RBFOX1: variants seen among roughly 807,000 people sequenced by gnomAD.
RBFOX1 encodes the protein RNA binding fox-1 homolog 1.
RBFOX1 carries 8 observed loss-of-function variants against 57.7 expected under a neutral mutation model. The ratio of observed to expected loss-of-function variants is 0.14; its 90% CI spans 0.08 to 0.25. RBFOX1 has a LOEUF of 0.25. RBFOX1 is among the 10% of genes least tolerant of loss of function. The pLI is 1.00. For missense variants in RBFOX1, 611 were observed against 548.5 expected (o/e 1.11, Z -1.14); for synonymous variants, 326 against 222.4 (o/e 1.47, Z -4.15).
intron 9 of RBFOX1, among the ~76,000 whole-genome samples, chr16:7,604,059 A>G (rs755282736): frequency 1.3e-5 from 2 of 152,176 alleles, no homozygotes; most frequent in South Asian, 4.1e-4. Flanking sequence ...GTTTTAACCA[A>G]CAGGATTTTC....
chr16:5,411,343 A>T (rs1327610082), intron 1 of RBFOX1, among the ~76,000 whole-genome samples: 2 of 152,144 alleles, frequency 1.3e-5, no homozygotes, highest in Non-Finnish European at 2.9e-5. Context: ...GCAGAGTCAG[A>T]GTCTGAATGG....
At chr16:7,581,168 G>T (rs1025316914) in intron 6 of RBFOX1, among the ~76,000 whole-genome samples, 44 of 152,168 alleles carry the variant, frequency 2.9e-4, no homozygotes, top group African/African-American at 1.0e-3. Flanking sequence ...ACCCAGCTTT[G>T]AATGCTGACA....
intron 9 of RBFOX1, 126 bp downstream of exon 9, chr16:7,597,557 C>A: frequency 1.3e-6 from 1 of 760,738 alleles, no homozygotes; most frequent in Non-Finnish European, 2.1e-6. Flanking sequence ...TTACTACTGA[C>A]CTGCTACAGT....
intron 3 of RBFOX1, among the ~76,000 whole-genome samples, chr16:6,733,992 G>T (rs2069384769): frequency 6.6e-6 from 1 of 152,150 alleles, no homozygotes; most frequent in South Asian, 2.1e-4. Flanking sequence ...ATAGGACACA[G>T]TGTTCAGTCC....
At chr16:6,981,701 T>C (rs2088922230) in intron 3 of RBFOX1, among the ~76,000 whole-genome samples, 2 of 152,128 alleles carry the variant, frequency 1.3e-5, no homozygotes, top group South Asian at 4.1e-4. Flanking sequence ...TCTTGTCACA[T>C]GAGAGTCAGT....
chr16:6,060,297 A>G (rs900973552), intron 1 of RBFOX1, among the ~76,000 whole-genome samples: 3 of 152,210 alleles, frequency 2.0e-5, no homozygotes, highest in East Asian at 1.9e-4. Flanking sequence ...CCATTTGTTC[A>G]TCTGTAAAAT....
At chr16:7,055,289 T>C (rs1354264710) in intron 4 of RBFOX1, among the ~76,000 whole-genome samples, 1 of 152,188 alleles carries the variant, frequency 6.6e-6, no homozygotes, top group Non-Finnish European at 1.5e-5. Context: ...ATCATATCAG[T>C]ATTATCAGTT....
intron 1 of RBFOX1, among the ~76,000 whole-genome samples, chr16:5,293,075 C>A (rs7197610): frequency 6.6e-6 from 1 of 151,630 alleles, no homozygotes; most frequent in African/African-American, 2.4e-5. Flanking sequence ...AATGCCAGTA[C>A]TTTGGGAGGC....
chr16:6,846,815 T>G (rs2093779766), intron 3 of RBFOX1, among the ~76,000 whole-genome samples: 1 of 152,038 alleles, frequency 6.6e-6, no homozygotes, highest in South Asian at 2.1e-4. Context: ...TGTAAGCAGC[T>G]GCTTTAATAA....
At chr16:7,171,506 C>T (rs913287572) in intron 4 of RBFOX1, among the ~76,000 whole-genome samples, 1 of 152,170 alleles carries the variant, frequency 6.6e-6, no homozygotes, top group Non-Finnish European at 1.5e-5. Flanking sequence ...CAGTGTGAAT[C>T]CTTAATGTGA....
intron 2 of RBFOX1, among the ~76,000 whole-genome samples, chr16:6,465,504 C>G (rs568652305): frequency 6.6e-6 from 1 of 152,108 alleles, no homozygotes; most frequent in East Asian, 1.9e-4. Context: ...AGCTCAATTT[C>G]TAAAATCTAC....
intron 4 of RBFOX1, among the ~76,000 whole-genome samples, chr16:7,091,268 CTT>C (rs201284676): frequency 1.6e-4 from 23 of 146,728 alleles, no homozygotes; most frequent in Middle Eastern, 3.5e-3. Context: ...TTTAACTTTA[CTT>C]TTTTTTTTTG....
At chr16:6,359,266 G>C (rs1031242756) in intron 2 of RBFOX1, among the ~76,000 whole-genome samples, 1 of 152,046 alleles carries the variant, frequency 6.6e-6, no homozygotes. Context: ...CTAATTGTTT[G>C]TATTTTTAGT....
chr16:7,577,446 C>G (rs192001257), intron 5 of RBFOX1, among the ~76,000 whole-genome samples: 7 of 152,312 alleles, frequency 4.6e-5, no homozygotes, highest in Non-Finnish European at 7.4e-5. Flanking sequence ...CATGCACTGC[C>G]CTGTCTTGGA....
chr16:7,187,657 C>A (rs965922024), intron 4 of RBFOX1, among the ~76,000 whole-genome samples: 1 of 122,814 alleles, frequency 8.1e-6, no homozygotes, highest in Non-Finnish European at 1.6e-5. Flanking sequence ...CCACTGCAGT[C>A]CAGCCTGGGC....
chr16:6,692,190 T>G (rs1029033890), intron 3 of RBFOX1, among the ~76,000 whole-genome samples: 1 of 152,220 alleles, frequency 6.6e-6, no homozygotes, highest in East Asian at 1.9e-4. Context: ...CTATAAAGAT[T>G]ACTTTGTTAC....
At chr16:6,915,976 C>T (rs896088534) in intron 3 of RBFOX1, among the ~76,000 whole-genome samples, 4 of 151,692 alleles carry the variant, frequency 2.6e-5, no homozygotes, top group African/African-American at 9.7e-5. Flanking sequence ...CAGAAAAATC[C>T]AGTTTGACAT....
intron 2 of RBFOX1, among the ~76,000 whole-genome samples, chr16:6,498,765 A>G (rs142580149): frequency 3.3e-5 from 5 of 152,332 alleles, no homozygotes; most frequent in Non-Finnish European, 7.3e-5. Flanking sequence ...TAATAATTGG[A>G]TAATGTTTCA....
intron 2 of RBFOX1, among the ~76,000 whole-genome samples, chr16:6,546,480 C>T (rs1599451940): frequency 6.6e-6 from 1 of 152,168 alleles, no homozygotes; most frequent in Non-Finnish European, 1.5e-5. Flanking sequence ...TCTTTTGACT[C>T]CTGGAGTAAT....
Sources: allele counts gnomAD v4.1 joint callset (sites outside exome capture counted in the v4.1 genomes callset), GRCh38; gene constraint gnomAD v4.1.1; transcripts MANE v1.5; gene names NCBI Gene and HGNC (gene_info 2026-07-23, HGNC 2026-07-21).